CHRM3: variants seen among roughly 807,000 people sequenced by gnomAD.
The protein encoded by CHRM3 is cholinergic receptor muscarinic 3.
CHRM3 carries 11 observed loss-of-function variants against 41.8 expected under a neutral mutation model. The observed-to-expected ratio is 0.26, with a 90% CI of 0.17 to 0.44. CHRM3 has a LOEUF of 0.44. Ranked by LOEUF, CHRM3 falls within the 20% of genes least tolerant of loss-of-function variation. CHRM3 has a pLI of 1.00. For synonymous variants in CHRM3, 297 were observed against 301.4 expected (o/e 0.99, Z 0.15); for missense variants, 571 against 745.4 (o/e 0.77, Z 2.72).
chr1:239,558,553 A>G (rs1660584211), intron 3 of CHRM3, among the ~76,000 whole-genome samples: 1 of 152,220 alleles, frequency 6.6e-6, no homozygotes, highest in Admixed American at 6.5e-5. Context: ...AACCTTGACC[A>G]TATAGAACAC....
chr1:239,899,725 C>G (rs747284514), intron 6 of CHRM3: 2 of 152,058 alleles, frequency 1.3e-5, no homozygotes, highest in Non-Finnish European at 2.9e-5. Context: ...TACATACACA[C>G]AGATGTAACT....
intron 2 of CHRM3, among the ~76,000 whole-genome samples, chr1:239,499,582 TC>T (rs1668093029): frequency 6.6e-6 from 1 of 152,160 alleles, no homozygotes; most frequent in Non-Finnish European, 1.5e-5. Flanking sequence ...ATGTTTCTCA[TC>T]CCATGTGCTC....
intron 5 of CHRM3, among the ~76,000 whole-genome samples, chr1:239,702,057 A>C (rs1660735919): frequency 6.6e-6 from 1 of 152,202 alleles, no homozygotes; most frequent in Non-Finnish European, 1.5e-5. Flanking sequence ...GCTGCAGGGA[A>C]GTTTCCTCGA....
intron 2 of CHRM3, among the ~76,000 whole-genome samples, chr1:239,521,699 A>G (rs1669650814): frequency 1.3e-5 from 2 of 152,174 alleles, no homozygotes; most frequent in Non-Finnish European, 2.9e-5. Flanking sequence ...AGAGGGAGGT[A>G]CAGCCAGCCT....
intron 5 of CHRM3, among the ~76,000 whole-genome samples, chr1:239,736,021 G>C (rs1173817084): frequency 6.6e-6 from 1 of 152,050 alleles, no homozygotes; most frequent in Non-Finnish European, 1.5e-5. Flanking sequence ...TAAGATTTAA[G>C]TCTGAAGGGT....
At chr1:239,569,446 T>G (rs934386482) in intron 3 of CHRM3, among the ~76,000 whole-genome samples, 2 of 152,194 alleles carry the variant, frequency 1.3e-5, no homozygotes, top group Non-Finnish European at 2.9e-5. Flanking sequence ...TTCATAATTA[T>G]GGCAAACTGA....
At chr1:239,395,548 T>TTG (rs1311686415) in intron 1 of CHRM3, among the ~76,000 whole-genome samples, 1 of 152,180 alleles carries the variant, frequency 6.6e-6, no homozygotes, top group Non-Finnish European at 1.5e-5. Context: ...TTTCCCCTCC[T>TTG]GCTACCAATA....
At chr1:239,649,107 T>G in intron 4 of CHRM3, among the ~76,000 whole-genome samples, 1 of 152,166 alleles carries the variant, frequency 6.6e-6, no homozygotes, top group Admixed American at 6.6e-5. Context: ...TAGGTGCTAT[T>G]GTCTGAATGT....
rs534275067 is a variant in CHRM3 at position 239,765,927 on chromosome 1, C to T, written c.-146-61325C>T. 5.3e-5 allele frequency among the ~76,000 whole-genome samples: 8 copies of T among 151,478 alleles called. No individual in the cohort carries two copies. The South Asian group carries it at 8.3e-4, about 16-fold the overall frequency. On this transcript the variant is annotated intron_variant, in intron 5 of 6. Coordinates refer to ENST00000676153, the MANE Select transcript of CHRM3 (RefSeq NM_001375978.1). ...CACCTTCTGGGTTCAAGCAATTCTC[C>T]GGTCTCAGCCTCCCGAGTAGCTGGG... is the stretch of plus-strand genomic sequence containing the variant.
chr1:239,905,214 G>A (rs144733189), intron 6 of CHRM3, among the ~76,000 whole-genome samples: 1 of 152,114 alleles, frequency 6.6e-6, no homozygotes, highest in Non-Finnish European at 1.5e-5. Context: ...CAGCTAGGAG[G>A]TGCTAGTTGT....
intron 6 of CHRM3, among the ~76,000 whole-genome samples, chr1:239,866,991 G>A (rs375770140): frequency 2.0e-5 from 3 of 152,174 alleles, no homozygotes; most frequent in Non-Finnish European, 2.9e-5. Context: ...AGGCTAGTGC[G>A]TGGTAGAACC....
intron 5 of CHRM3, among the ~76,000 whole-genome samples, chr1:239,681,137 CT>C (rs1490423429): frequency 3.9e-5 from 6 of 152,164 alleles, no homozygotes; most frequent in African/African-American, 7.2e-5. Flanking sequence ...TTACCTCCCC[CT>C]GGGTCCCTCC....
intron 3 of CHRM3, among the ~76,000 whole-genome samples, chr1:239,607,785 A>G (rs1666516381): frequency 6.6e-6 from 1 of 152,188 alleles, no homozygotes; most frequent in African/African-American, 2.4e-5. Context: ...GATTTATTTG[A>G]AGTCTTTTTT....
At chr1:239,813,862 A>C (rs1479067749) in intron 5 of CHRM3, among the ~76,000 whole-genome samples, 1 of 137,156 alleles carries the variant, frequency 7.3e-6, no homozygotes, top group Admixed American at 7.3e-5. Context: ...GCTTGCAGTG[A>C]GCCGAGATCC....
chr1:239,689,955 C>T (rs1659542610), intron 5 of CHRM3, among the ~76,000 whole-genome samples: 1 of 151,992 alleles, frequency 6.6e-6, no homozygotes, highest in Non-Finnish European at 1.5e-5. Context: ...AACTCTAGGA[C>T]TGCCCATGCT....
intron 3 of CHRM3, among the ~76,000 whole-genome samples, chr1:239,597,768 G>A (rs1184942924): frequency 1.3e-5 from 2 of 149,244 alleles, no homozygotes; most frequent in African/African-American, 4.9e-5. Flanking sequence ...CCAGCCAGCA[G>A]CATTTCTCAT....
chr1:239,840,521 A>G (rs1673707336), intron 6 of CHRM3, among the ~76,000 whole-genome samples: 1 of 152,192 alleles, frequency 6.6e-6, no homozygotes, highest in African/African-American at 2.4e-5. Context: ...GAAAATGACC[A>G]TTAGTGTCAA....
chr1:239,476,464 A>C (rs748583089), intron 1 of CHRM3, among the ~76,000 whole-genome samples: 5 of 47,208 alleles, frequency 1.1e-4, no homozygotes, highest in Non-Finnish European at 2.9e-4. Context: ...GACTCCATCC[A>C]AAAAAAAAAA....
At chr1:239,517,771 G>T (rs926191934) in intron 2 of CHRM3, among the ~76,000 whole-genome samples, 1 of 152,064 alleles carries the variant, frequency 6.6e-6, no homozygotes, top group Non-Finnish European at 1.5e-5. Context: ...GATTGCCTTT[G>T]TCTTATATAT....
Sources: gnomAD v4.1 joint callset for allele counts (sites outside exome capture counted in the v4.1 genomes callset) on GRCh38, gnomAD v4.1.1 for gene constraint, MANE v1.5 for transcripts, NCBI Gene and HGNC (gene_info 2026-07-23, HGNC 2026-07-21) for gene names.